The following SENP6 variants were observed in gnomAD, a reference collection of about 807,000 sequenced individuals.
SENP6 encodes the protein SUMO specific peptidase 6.
A neutral mutation model predicts 134.5 loss-of-function variants in SENP6; 41 were observed. That is an observed-to-expected ratio of 0.30 (90% confidence interval 0.24 to 0.40). The LOEUF is 0.40. Among genes scored for constraint, SENP6 ranks in the 10% least tolerant of loss-of-function variants. The pLI, the probability that SENP6 is intolerant of heterozygous loss-of-function variation, is 1.00. For synonymous variants in SENP6, 395 were observed against 429.8 expected (o/e 0.92, Z 1.00); for missense variants, 1,248 against 1,312.5 (o/e 0.95, Z 0.76).
intron 7 of SENP6, among the ~76,000 whole-genome samples, chr6:75,648,139 C>T (rs1387620637): frequency 6.6e-6 from 1 of 152,038 alleles, no homozygotes; most frequent in South Asian, 2.1e-4. Flanking sequence ...TTTCCACTTA[C>T]TGGTTTTGCT....
At chr6:75,633,482 C>A in intron 3 of SENP6, 99 bp from the exon 4 acceptor site, 1 of 960,082 alleles carries the variant, frequency 1.0e-6, no homozygotes, top group Non-Finnish European at 1.5e-6. Flanking sequence ...TTCCCAATAG[C>A]TGTATGTTTT....
At chr6:75,636,173 A>T (rs1433796971) in intron 5 of SENP6, among the ~76,000 whole-genome samples, 2 of 152,180 alleles carry the variant, frequency 1.3e-5, no homozygotes, top group Non-Finnish European at 2.9e-5. Flanking sequence ...TTCAGTTCAT[A>T]TGAACTAGTT....
chr6:75,661,659 G>A (rs1771783346), intron 8 of SENP6, among the ~76,000 whole-genome samples: 1 of 152,186 alleles, frequency 6.6e-6, no homozygotes, highest in South Asian at 2.1e-4. Flanking sequence ...ATTGTAGCCA[G>A]CCTCTATGTA....
intron 5 of SENP6, among the ~76,000 whole-genome samples, chr6:75,636,120 C>T (rs1248394034): frequency 2.6e-5 from 4 of 152,032 alleles, no homozygotes; most frequent in African/African-American, 9.7e-5. Flanking sequence ...ACACCTATAA[C>T]ATTTTGCATG....
chr6:75,661,043 T>TA, intron 8 of SENP6, among the ~76,000 whole-genome samples: 2 of 152,302 alleles, frequency 1.3e-5, no homozygotes, highest in Admixed American at 1.3e-4. Context: ...ATTTGGGCAC[T>TA]AGTTATGTTC....
rs145922628 is a variant in SENP6 at position 75,681,663 on chromosome 6, T to G, written c.2075+2736T>G. Among the ~76,000 whole-genome samples the G allele has an allele frequency of 6.9e-3, 1,055 of 152,222 alleles. 13 individuals carry two copies. The highest frequency in any genetic ancestry group is 0.025 in the African/African-American group (1,021 of 41,526). On this transcript the variant is annotated intron_variant, in intron 16 of 23. Coordinates refer to ENST00000447266, the MANE Select transcript of SENP6 (RefSeq NM_015571.4). ...TCTTTAGAGCAGTGAGAGAACGGAC[T>G]GATACAGCATCCATCATAAAAATGT...
At chr6:75,645,699 T>A (rs1026593360) in intron 6 of SENP6, among the ~76,000 whole-genome samples, 4 of 152,188 alleles carry the variant, frequency 2.6e-5, no homozygotes, top group Admixed American at 2.6e-4. Context: ...TTGGAGAAAA[T>A]AATATATGGC....
At chr6:75,713,178 A>G (rs971646186) in intron 21 of SENP6, among the ~76,000 whole-genome samples, 1 of 152,044 alleles carries the variant, frequency 6.6e-6, no homozygotes, top group Non-Finnish European at 1.5e-5. Flanking sequence ...GAATATGGGG[A>G]TGTTCAATTT....
intron 6 of SENP6, chr6:75,647,500 A>G (rs577310460): frequency 1.5e-4 from 49 of 322,958 alleles, no homozygotes; most frequent in Middle Eastern, 9.8e-4. Flanking sequence ...CTCATTCAAC[A>G]TTTATTCCTT....
Position 75,670,691 on chromosome 6 carries a change from C to G in SENP6, c.1363C>G (p.Leu455Val). The change falls in exon 11 of 24, where the codon CTC becomes GTC. Residue 455 changes from leucine (L) to valine (V), a missense_variant. Transcript: ENST00000447266. Reference protein sequence around the residue: ...LNCRSIRVGTLFRLLIEPVIF... With the variant: ...LNCRSIRVGTVFRLLIEPVIF... ...CTGTCGAAGTATACGAGTAGGAACACTCTTCCGGCTGTTAATAGAGCCTGT... is the reference window on the plus strand; with the variant it reads ...CTGTCGAAGTATACGAGTAGGAACAGTCTTCCGGCTGTTAATAGAGCCTGT... 6.2e-7 allele frequency: 1 copy of G among 1,611,250 alleles called. No homozygotes were observed. The highest frequency in any genetic ancestry group is 8.5e-7 in the Non-Finnish European group (1 of 1,178,312).
At chr6:75,675,140 C>A (rs1772986525) in intron 11 of SENP6, among the ~76,000 whole-genome samples, 1 of 151,408 alleles carries the variant, frequency 6.6e-6, no homozygotes. Flanking sequence ...TGCAATTTAC[C>A]TGTATAACAA....
intron 7 of SENP6, among the ~76,000 whole-genome samples, chr6:75,653,796 C>G (rs1013731384): frequency 1.3e-5 from 2 of 152,092 alleles, no homozygotes; most frequent in African/African-American, 4.8e-5. Flanking sequence ...TGGGAAACTC[C>G]ACGGCTAGAT....
intron 3 of SENP6, among the ~76,000 whole-genome samples, chr6:75,624,986 A>T (rs1768557677): frequency 6.6e-6 from 1 of 152,080 alleles, no homozygotes; most frequent in Admixed American, 6.6e-5. Flanking sequence ...AAAATTTTGC[A>T]CTGTAGTACA....
Position 75,633,731 on chromosome 6 carries a change from A to G in SENP6, c.353+5A>G, listed in dbSNP as rs772956704. On this transcript the variant is annotated splice_donor_5th_base_variant and intron_variant, in intron 4 of 23. Transcript: ENST00000447266. ...GAGCAACAATAAGAAATTGAGGTAT[A>G]GGCACTTCACCACACATTCCTACAG... The G allele has an allele frequency of 3.1e-6, 5 of 1,596,020 alleles. No individual in the cohort carries two copies. The South Asian group carries it at 4.6e-5, about 15-fold the overall frequency.
chr6:75,627,145 A>G (rs893960997), intron 3 of SENP6, among the ~76,000 whole-genome samples: 1 of 152,104 alleles, frequency 6.6e-6, no homozygotes, highest in African/African-American at 2.4e-5. Flanking sequence ...GTATTTTAGT[A>G]GAGCTGGGGT....
At chr6:75,657,649 A>G (rs1011837318) in intron 7 of SENP6, among the ~76,000 whole-genome samples, 1 of 152,172 alleles carries the variant, frequency 6.6e-6, no homozygotes, top group Admixed American at 6.5e-5. Context: ...TAGTTTCTAG[A>G]TGCTGGGAAA....
intron 3 of SENP6, among the ~76,000 whole-genome samples, chr6:75,626,067 A>C (rs1202404464): frequency 6.6e-6 from 1 of 152,156 alleles, no homozygotes; most frequent in African/African-American, 2.4e-5. Flanking sequence ...TATATTTTTA[A>C]GTAATTTGAA....
chr6:75,712,290 A>G (rs577838878), intron 21 of SENP6, among the ~76,000 whole-genome samples: 137 of 152,288 alleles, frequency 9.0e-4, no homozygotes, highest in African/African-American at 3.2e-3. Flanking sequence ...AACTCTATTA[A>G]GAGACTTTGA....
chr6:75,697,733 T>G, intron 18 of SENP6: 1 of 422,750 alleles, frequency 2.4e-6, no homozygotes, highest in Non-Finnish European at 4.3e-6. Context: ...CCAGATACCT[T>G]TCTAATCTCA....
Sources: allele counts gnomAD v4.1 joint callset (sites outside exome capture counted in the v4.1 genomes callset), GRCh38; gene constraint gnomAD v4.1.1; transcripts MANE v1.5; gene names NCBI Gene and HGNC (gene_info 2026-07-23, HGNC 2026-07-21).